ELOVL5: variants seen among roughly 807,000 people sequenced by gnomAD.
ELOVL5 encodes the protein ELOVL fatty acid elongase 5.
In ELOVL5, 8 loss-of-function variants were observed where a neutral mutation model predicts 38.6. The observed-to-expected ratio is 0.21, with a 90% CI of 0.12 to 0.37. The LOEUF is 0.37. Among genes scored for constraint, ELOVL5 ranks in the 10% least tolerant of loss-of-function variants. The probability of loss-of-function intolerance (pLI) is 1.00; values close to 1 mark genes in which losing one functional copy is unlikely to be tolerated. For synonymous variants in ELOVL5, 127 were observed against 133.7 expected (o/e 0.95, Z 0.34); for missense variants, 280 against 367.8 (o/e 0.76, Z 1.95).
chr6:53,330,385 A>C (rs1337354170), intron 1 of ELOVL5, among the ~76,000 whole-genome samples: 1 of 152,188 alleles, frequency 6.6e-6, no homozygotes, highest in Non-Finnish European at 1.5e-5. Flanking sequence ...ACATTACTGC[A>C]CACTGTAGAC....
chr6:53,305,492 T>C (rs1460237688), intron 1 of ELOVL5, among the ~76,000 whole-genome samples: 1 of 135,542 alleles, frequency 7.4e-6, no homozygotes, highest in Non-Finnish European at 1.6e-5. Context: ...GACGGGGCAG[T>C]TGCCAGGCGG....
At chr6:53,301,545 C>G (rs1203805492) in intron 1 of ELOVL5, among the ~76,000 whole-genome samples, 1 of 152,126 alleles carries the variant, frequency 6.6e-6, no homozygotes, top group African/African-American at 2.4e-5. Flanking sequence ...CCTCTTTAAC[C>G]AGGAGTCTCT....
At chr6:53,305,952 G>A (rs1448004193) in intron 1 of ELOVL5, among the ~76,000 whole-genome samples, 3 of 151,982 alleles carry the variant, frequency 2.0e-5, no homozygotes, top group Non-Finnish European at 4.4e-5. Flanking sequence ...CTGCAATCCC[G>A]GCACCTCGGG....
At chr6:53,330,919 C>G (rs1392214880) in intron 1 of ELOVL5, among the ~76,000 whole-genome samples, 2 of 152,174 alleles carry the variant, frequency 1.3e-5, no homozygotes, top group Non-Finnish European at 2.9e-5. Context: ...TCTTGTCCCA[C>G]TGGAAGGCCT....
intron 1 of ELOVL5, among the ~76,000 whole-genome samples, chr6:53,347,446 C>A (rs1432433019): frequency 1.3e-5 from 2 of 152,214 alleles, no homozygotes; most frequent in Non-Finnish European, 2.9e-5. Context: ...CCGCCTGTTT[C>A]TATCTGTAGA....
chr6:53,331,921 C>G (rs1014547916), intron 1 of ELOVL5, among the ~76,000 whole-genome samples: 1 of 152,140 alleles, frequency 6.6e-6, no homozygotes, highest in Non-Finnish European at 1.5e-5. Context: ...GGTGGGGCCT[C>G]AGGAAGCTTT....
At chr6:53,347,038 G>C (rs532678112) in intron 1 of ELOVL5, among the ~76,000 whole-genome samples, 2 of 152,318 alleles carry the variant, frequency 1.3e-5, no homozygotes, top group East Asian at 1.9e-4. Flanking sequence ...CAAGGAAATT[G>C]AGTCAAGGAG....
Position 53,305,191 on chromosome 6 carries a change from C to A in ELOVL5, c.-8-9484G>T, listed in dbSNP as rs558512497. On this transcript the variant is annotated intron_variant, in intron 1 of 7. Transcript: ENST00000304434. Reference sequence around the variant, plus strand: ...CCTCCCTCCCGGACGGGGCGGCTGGCTGGGCGCGGGGCTGACCCCCCACCT... The same window carrying A: ...CCTCCCTCCCGGACGGGGCGGCTGGATGGGCGCGGGGCTGACCCCCCACCT... Among the ~76,000 whole-genome samples, 53 of 147,162 alleles carry A rather than the reference C, an allele frequency of 3.6e-4. 1 individual carries two copies. Among genetic ancestry groups the A allele is most frequent in the East Asian group, 2.9e-3 (14 of 4,794 alleles).
chr6:53,330,017 A>G (rs1768717017), intron 1 of ELOVL5, among the ~76,000 whole-genome samples: 2 of 152,234 alleles, frequency 1.3e-5, no homozygotes, highest in Non-Finnish European at 2.9e-5. Flanking sequence ...GAACTTCTAC[A>G]GACGCGTCAC....
chr6:53,318,155 G>A (rs1469677006), intron 1 of ELOVL5, among the ~76,000 whole-genome samples: 1 of 152,134 alleles, frequency 6.6e-6, no homozygotes, highest in East Asian at 1.9e-4. Flanking sequence ...GCCTCCCCAC[G>A]TTACAATAAA....
At chr6:53,303,702 G>A (rs1271992644) in intron 1 of ELOVL5, among the ~76,000 whole-genome samples, 1 of 152,180 alleles carries the variant, frequency 6.6e-6, no homozygotes, top group Non-Finnish European at 1.5e-5. Context: ...TTTAAATGTT[G>A]CAACAATCAA....
intron 1 of ELOVL5, among the ~76,000 whole-genome samples, chr6:53,319,163 C>T (rs540566975): frequency 6.6e-6 from 1 of 151,254 alleles, no homozygotes; most frequent in Non-Finnish European, 1.5e-5. Context: ...CCCAGCTACT[C>T]GGGAGGCTGA....
chr6:53,282,972 G>GC, intron 3 of ELOVL5, among the ~76,000 whole-genome samples: 1 of 152,310 alleles, frequency 6.6e-6, no homozygotes, highest in South Asian at 2.1e-4. Context: ...TGCTTTCACA[G>GC]CCCACAATTA....
chr6:53,309,409 C>T (rs9370192), intron 1 of ELOVL5, among the ~76,000 whole-genome samples: 55,218 of 151,918 alleles, frequency 0.36, 11,147 homozygotes, highest in African/African-American at 0.55. Flanking sequence ...GGTTGAGAAA[C>T]GTGGGCTCTG....
At chr6:53,307,318 ACTTACTAGCTGTGTAAC>A (rs1353458261) in intron 1 of ELOVL5, among the ~76,000 whole-genome samples, 1 of 151,984 alleles carries the variant, frequency 6.6e-6, no homozygotes, top group East Asian at 1.9e-4. Flanking sequence ...CTGCTTCACC[ACTTACTAGCTGTGTAAC>A]CTTGGGCAAG....
intron 5 of ELOVL5, among the ~76,000 whole-genome samples, chr6:53,274,243 G>A (rs891845946): frequency 4.7e-5 from 6 of 126,422 alleles, no homozygotes; most frequent in African/African-American, 2.3e-4. Flanking sequence ...GACAGTGGGA[G>A]GAAGAGCAGA....
chr6:53,307,959 T>C lies in ELOVL5; in HGVS notation c.-8-12252A>G, dbSNP rs576186484. Among the ~76,000 whole-genome samples, 7 of 152,326 alleles carry C rather than the reference T, an allele frequency of 4.6e-5. No homozygotes were observed. The East Asian group carries it at 1.4e-3, about 29-fold the overall frequency. ...ATTTGAACCACATCTCCAACTCTAT[T>C]GCCTATCATTCTTAAAATACCCCAT... On this transcript the variant is annotated intron_variant, in intron 1 of 7. Coordinates refer to ENST00000304434, the MANE Select transcript of ELOVL5 (RefSeq NM_021814.5).
intron 1 of ELOVL5, among the ~76,000 whole-genome samples, chr6:53,325,100 T>C (rs1768482980): frequency 6.6e-6 from 1 of 152,172 alleles, no homozygotes; most frequent in African/African-American, 2.4e-5. Flanking sequence ...ACACCCTAGG[T>C]CCACTCGCTA....
chr6:53,269,029 C>A lies in ELOVL5; in HGVS notation c.*98G>T. 4 of 1,412,202 alleles carry A rather than the reference C, an allele frequency of 2.8e-6. No homozygotes were observed. Among genetic ancestry groups the A allele is most frequent in the Non-Finnish European group, 3.9e-6 (4 of 1,029,676 alleles). 87.5% of individuals were successfully genotyped at this position (1,412,202 alleles called of 1,614,324 possible). A position where few individuals can be genotyped will look rare whatever the true frequency, so the allele number is the denominator to read the frequency against. ...CCTACATGAATCACACTATTGTAGG[C>A]CAGACTAGTTACAGCAGCTGTTAAC... On this transcript the variant is annotated 3_prime_UTR_variant, in exon 8 of 8. Coordinates refer to ENST00000304434, the MANE Select transcript of ELOVL5 (RefSeq NM_021814.5).
Sources: gnomAD v4.1 joint callset for allele counts (sites outside exome capture counted in the v4.1 genomes callset) on GRCh38, gnomAD v4.1.1 for gene constraint, MANE v1.5 for transcripts, NCBI Gene and HGNC (gene_info 2026-07-23, HGNC 2026-07-21) for gene names.